Variants in LRMDA observed in about 807,000 individuals in gnomAD.
LRMDA encodes the protein leucine-rich melanocyte differentiation-associated protein.
LRMDA carries 18 observed loss-of-function variants against 29.8 expected under a neutral mutation model. The observed-to-expected ratio is 0.60, with a 90% CI of 0.42 to 0.90. LRMDA has a LOEUF of 0.90. Among genes scored for constraint, LRMDA ranks in the 40% least tolerant of loss-of-function variants. LRMDA has a pLI of 0.00. For missense variants in LRMDA, 273 were observed against 273.9 expected, an observed-to-expected ratio of 1.00 and a Z score of 0.02; for synonymous variants, 125 against 109.4, an observed-to-expected ratio of 1.14 and a Z score of -0.89.
At chr10:76,428,052 G>T (rs1842148423) in intron 6 of LRMDA, among the ~76,000 whole-genome samples, 1 of 152,068 alleles carries the variant, frequency 6.6e-6, no homozygotes, top group Non-Finnish European at 1.5e-5. Context: ...CAGGGATATT[G>T]GTCTAAAATT....
intron 5 of LRMDA, among the ~76,000 whole-genome samples, chr10:76,220,388 A>G (rs538182987): frequency 5.9e-5 from 9 of 152,306 alleles, no homozygotes; most frequent in African/African-American, 2.2e-4. Flanking sequence ...CTAATAAAGA[A>G]GAAAAGAGAG....
At chr10:76,246,151 C>T (rs1172586373) in intron 5 of LRMDA, among the ~76,000 whole-genome samples, 1 of 152,160 alleles carries the variant, frequency 6.6e-6, no homozygotes, top group East Asian at 1.9e-4. Flanking sequence ...CAATCCAGCC[C>T]AACTGGTTCC....
In LRMDA at chr10:75,892,534, G is replaced by A. The variant is rs548417770; in HGVS notation, c.132-143474G>A. Among the ~76,000 whole-genome samples the A allele has an allele frequency of 3.3e-5, 5 of 152,322 alleles. No homozygotes were observed. The South Asian group carries it at 1.0e-3, about 32-fold the overall frequency. On this transcript the variant is annotated intron_variant, in intron 2 of 6. Coordinates refer to ENST00000611255, the MANE Select transcript of LRMDA (RefSeq NM_001305581.2). ...AATTCAGGGCAATGGCTTAGAACCTGACTCAATGTCCTTTTTACTAAGTAA... is the reference window on the plus strand; with the variant it reads ...AATTCAGGGCAATGGCTTAGAACCTAACTCAATGTCCTTTTTACTAAGTAA...
chr10:76,427,047 T>A lies in LRMDA; in HGVS notation c.601+102562T>A, dbSNP rs547340345. 2.9e-3 allele frequency among the ~76,000 whole-genome samples: 438 copies of A among 151,270 alleles called. 2 individuals carry two copies. The highest frequency in any genetic ancestry group is 0.01 in the African/African-American group (420 of 41,160). ...TGAAGTCAGGTAGCCTGATGCCTCC[T>A]GCTTTGTTCTTTTGGCTTAGGATTG... On this transcript the variant is annotated intron_variant, in intron 6 of 6. Coordinates refer to ENST00000611255, the MANE Select transcript of LRMDA (RefSeq NM_001305581.2).
At chr10:75,599,654 A>C (rs1343352194) in intron 2 of LRMDA, among the ~76,000 whole-genome samples, 1 of 152,232 alleles carries the variant, frequency 6.6e-6, no homozygotes, top group Non-Finnish European at 1.5e-5. Context: ...GCTGCCCAGC[A>C]GACCTTTCTG....
chr10:76,098,250 G>A (rs1235366880), intron 5 of LRMDA, among the ~76,000 whole-genome samples: 11 of 152,068 alleles, frequency 7.2e-5, no homozygotes, highest in Admixed American at 7.2e-4. Context: ...TATATGTTTG[G>A]TAGAATTCAC....
chr10:75,971,301 T>C (rs1846965052), intron 2 of LRMDA, among the ~76,000 whole-genome samples: 1 of 152,180 alleles, frequency 6.6e-6, no homozygotes, highest in African/African-American at 2.4e-5. Flanking sequence ...TTCCCTTCTC[T>C]CCTCTCGCAG....
At chr10:75,801,948 T>G (rs1469468499) in intron 2 of LRMDA, among the ~76,000 whole-genome samples, 1 of 152,168 alleles carries the variant, frequency 6.6e-6, no homozygotes, top group Admixed American at 6.5e-5. Context: ...GCTACCCACC[T>G]AAGCTAAGCA....
chr10:75,838,334 A>G (rs1844478689), intron 2 of LRMDA, among the ~76,000 whole-genome samples: 1 of 152,242 alleles, frequency 6.6e-6, no homozygotes, highest in South Asian at 2.1e-4. Flanking sequence ...TCGTCTTATG[A>G]AATATAATTT....
At chr10:75,878,921 G>A (rs765756523) in intron 2 of LRMDA, among the ~76,000 whole-genome samples, 73 of 152,152 alleles carry the variant, frequency 4.8e-4, no homozygotes, top group Admixed American at 1.3e-3. Context: ...CAGTGGGTGC[G>A]TTCCTTAATT....
chr10:75,653,377 G>A (rs939543954), intron 2 of LRMDA, among the ~76,000 whole-genome samples: 1 of 152,144 alleles, frequency 6.6e-6, no homozygotes, highest in Non-Finnish European at 1.5e-5. Context: ...CTGGTCTCTT[G>A]AAGGAAAAGT....
chr10:75,690,998 C>T (rs868061082), intron 2 of LRMDA, among the ~76,000 whole-genome samples: 167 of 109,814 alleles, frequency 1.5e-3, no homozygotes, highest in African/African-American at 5.9e-3. Context: ...TATATATACA[C>T]ACACACACAC....
rs113914844 is a variant in LRMDA, at chr10:76,327,821, C to G, written c.601+3336C>G. On this transcript the variant is annotated intron_variant, in intron 6 of 6. Transcript: ENST00000611255. ...ATTCTGTTGCTTTCATAAACCCAAA[C>G]CATCAGGGATGGGTGTCATATGTGT... Among the ~76,000 whole-genome samples, 304 of 152,308 alleles carry G rather than the reference C, an allele frequency of 2.0e-3. 2 individuals are homozygous for G. The highest frequency in any genetic ancestry group is 6.9e-3 in the African/African-American group (287 of 41,570).
intron 5 of LRMDA, among the ~76,000 whole-genome samples, chr10:76,226,353 C>T (rs886331205): frequency 2.0e-5 from 3 of 151,964 alleles, no homozygotes; most frequent in Non-Finnish European, 4.4e-5. Flanking sequence ...GAGGCTGAAG[C>T]GGGTGGATCA....
chr10:75,537,665 C>T (rs1368651454), intron 2 of LRMDA, among the ~76,000 whole-genome samples: 1 of 152,174 alleles, frequency 6.6e-6, no homozygotes, highest in Non-Finnish European at 1.5e-5. Context: ...TTGAAGTGAG[C>T]TTGGGTTGCT....
intron 6 of LRMDA, chr10:76,535,876 C>T: frequency 6.6e-6 from 1 of 152,014 alleles, no homozygotes; most frequent in Non-Finnish European, 1.5e-5. Flanking sequence ...CTCCCCGGCT[C>T]AAGCGATTCT....
intron 2 of LRMDA, among the ~76,000 whole-genome samples, chr10:75,691,051 AGATATATATCTGCCATAGATATATAG>A (rs1842141080): frequency 7.2e-6 from 1 of 139,810 alleles, no homozygotes; most frequent in Admixed American, 7.1e-5. Flanking sequence ...CAGATGTGGC[AGATATATATCTGCCATAGATATATAG>A]ATCTATATAT....
chr10:75,500,511 A>C (rs1179874814), intron 2 of LRMDA, among the ~76,000 whole-genome samples: 1 of 152,234 alleles, frequency 6.6e-6, no homozygotes, highest in East Asian at 1.9e-4. Context: ...CAGGTATTCA[A>C]GTGATATAGT....
chr10:76,522,085 C>T (rs1407034498), intron 6 of LRMDA, among the ~76,000 whole-genome samples: 3 of 152,196 alleles, frequency 2.0e-5, no homozygotes, highest in Non-Finnish European at 4.4e-5. Context: ...ACCCAAACCT[C>T]ACTTGTAGGG....
Sources: gnomAD v4.1 joint callset for allele counts (sites outside exome capture counted in the v4.1 genomes callset) on GRCh38, gnomAD v4.1.1 for gene constraint, MANE v1.5 for transcripts, NCBI Gene and HGNC (gene_info 2026-07-23, HGNC 2026-07-21) for gene names.